Variants in PRMT8 observed in about 807,000 individuals in gnomAD.
The protein encoded by PRMT8 is protein arginine methyltransferase 8, also known as protein arginine N-methyltransferase 8.
Under a neutral mutation model 47.1 loss-of-function variants are expected in PRMT8, and 7 were observed. The observed-to-expected ratio is 0.15, with a 90% CI of 0.08 to 0.28. The LOEUF (loss-of-function observed/expected upper bound fraction) is 0.28. Among genes scored for constraint, PRMT8 ranks in the 10% least tolerant of loss-of-function variants. The probability of loss-of-function intolerance (pLI) is 1.00; values close to 1 mark genes in which losing one functional copy is unlikely to be tolerated. For synonymous variants in PRMT8, 188 were observed against 186.5 expected (o/e 1.01, Z -0.07); for missense variants, 237 against 505.4 (o/e 0.47, Z 5.09).
upstream of PRMT8, among the ~76,000 whole-genome samples, chr12:3,488,488 C>A (rs535642024): frequency 7.2e-5 from 11 of 152,294 alleles, no homozygotes; most frequent in South Asian, 1.7e-3. Flanking sequence ...CCCTTATCAT[C>A]CCACATGTTT....
At chr12:3,519,485 G>A (rs1288794197) in intron 1 of PRMT8, among the ~76,000 whole-genome samples, 1 of 152,220 alleles carries the variant, frequency 6.6e-6, no homozygotes, top group African/African-American at 2.4e-5. Context: ...GGGGATGCAA[G>A]TGAGAAAGGG....
At chr12:3,505,159 C>G (rs1168888301) in intron 1 of PRMT8, among the ~76,000 whole-genome samples, 1 of 151,620 alleles carries the variant, frequency 6.6e-6, no homozygotes, top group Non-Finnish European at 1.5e-5. Context: ...AATCACCCGT[C>G]TTCTGCGTTG....
rs1395299407 is a variant in PRMT8, at chr12:3,566,604, C to T, written c.482-2102C>T. ...ACTGTTATTAGAAGCTGCTAATGGA[C>T]ACTCCATCACCTGCATTATTCACTG... On this transcript the variant is annotated intron_variant, in intron 4 of 9. Coordinates refer to ENST00000382622, the MANE Select transcript of PRMT8 (RefSeq NM_019854.5). This position sits in a 1 kb window ranked among gnomAD's most constrained non-coding sequence, Gnocchi z 4.7. 1.3e-5 allele frequency among the ~76,000 whole-genome samples: 2 copies of T among 152,222 alleles called. No individual in the cohort carries two copies. Among genetic ancestry groups the T allele is most frequent in the Admixed American group, 1.3e-4 (2 of 15,292 alleles).
chr12:3,532,710 T>C (rs1174072322), intron 1 of PRMT8, among the ~76,000 whole-genome samples: 1 of 149,048 alleles, frequency 6.7e-6, no homozygotes, highest in Non-Finnish European at 1.5e-5. Context: ...GTACCAATTA[T>C]ACAGTATACA....
At chr12:3,581,732 ACAGT>A (rs532064101) in intron 7 of PRMT8, among the ~76,000 whole-genome samples, 2 of 152,080 alleles carry the variant, frequency 1.3e-5, no homozygotes, top group African/African-American at 2.4e-5. Context: ...TTCCCAATCA[ACAGT>A]CAGAGAGCTT....
At chr12:3,410,388 C>A (rs1488315429) in intron 1 of PRMT8, among the ~76,000 whole-genome samples, 1 of 152,190 alleles carries the variant, frequency 6.6e-6, no homozygotes, top group Non-Finnish European at 1.5e-5. Flanking sequence ...CTCTGCAATT[C>A]CCCCTCCCCA....
intron 1 of PRMT8, among the ~76,000 whole-genome samples, chr12:3,529,290 C>T (rs1052659274): frequency 2.6e-5 from 4 of 152,152 alleles, no homozygotes; most frequent in African/African-American, 9.7e-5. Flanking sequence ...GGGTTTACCT[C>T]ATTTATTTGT....
At chr12:3,568,998 G>GA (rs758105281) in intron 5 of PRMT8, 150 bp downstream of exon 5, 13 of 1,115,796 alleles carry the variant, frequency 1.2e-5, no homozygotes, top group Non-Finnish European at 1.4e-5. Flanking sequence ...GAGCAGATCT[G>GA]TATCAGGGAA....
chr12:3,530,576 G>A lies in PRMT8; in HGVS notation c.76-10030G>A, dbSNP rs370042102. ...CTGGAGAAAATGACTGATTTTCAAT[G>A]ATGGCTACCTTCCTAAAGATATCAA... is the stretch of plus-strand genomic sequence containing the variant. On this transcript the variant is annotated intron_variant, in intron 1 of 9. Coordinates refer to ENST00000382622, the MANE Select transcript of PRMT8 (RefSeq NM_019854.5). Among the ~76,000 whole-genome samples, 265 of 152,274 alleles carry A rather than the reference G, an allele frequency of 1.7e-3. 1 individual carries two copies. The highest frequency in any genetic ancestry group is 6.3e-3 in the African/African-American group (260 of 41,562).
upstream of PRMT8, among the ~76,000 whole-genome samples, chr12:3,489,961 C>T (rs571414698): frequency 1.3e-5 from 2 of 152,194 alleles, no homozygotes; most frequent in African/African-American, 4.8e-5. Context: ...TCTCTTTGCC[C>T]GAGGACCAGA....
intron 1 of PRMT8, among the ~76,000 whole-genome samples, chr12:3,431,468 G>A (rs771760469): frequency 2.6e-4 from 39 of 152,280 alleles, no homozygotes; most frequent in Middle Eastern, 3.4e-3. Flanking sequence ...GATGAGGAGC[G>A]TGGGAGGTCA....
intron 4 of PRMT8, among the ~76,000 whole-genome samples, chr12:3,554,786 G>A (rs375053114): frequency 1.6e-4 from 25 of 152,286 alleles, no homozygotes; most frequent in African/African-American, 5.1e-4. Flanking sequence ...AGGCACCGAG[G>A]AGTCAGCTCA....
intron 1 of PRMT8, among the ~76,000 whole-genome samples, chr12:3,399,956 C>G (rs1864300616): frequency 6.6e-6 from 1 of 152,200 alleles, no homozygotes; most frequent in African/African-American, 2.4e-5. Context: ...GTTATGACAA[C>G]TGTCAAAATC....
In PRMT8 at chr12:3,492,889, T is replaced by C. The variant is rs1373430900; in HGVS notation, c.75+1189T>C. Among the ~76,000 whole-genome samples, 1 of 151,962 alleles carries C rather than the reference T, an allele frequency of 6.6e-6. No individual in the cohort carries two copies. The highest frequency in any genetic ancestry group is 1.5e-5 in the Non-Finnish European group (1 of 67,966). On this transcript the variant is annotated intron_variant, in intron 1 of 9. Coordinates refer to ENST00000382622, the MANE Select transcript of PRMT8 (RefSeq NM_019854.5). The surrounding 1 kb of genome is among the most constrained non-coding windows in gnomAD (Gnocchi z 7.5). ...GGGCTGCCGCACATTTCACATATGGTTACCCATATGCAGCGGGGGGCGGGG... is the reference window on the plus strand; with the variant it reads ...GGGCTGCCGCACATTTCACATATGGCTACCCATATGCAGCGGGGGGCGGGG...
At chr12:3,590,027 G>T (rs11062731) in intron 8 of PRMT8, among the ~76,000 whole-genome samples, 2 of 152,112 alleles carry the variant, frequency 1.3e-5, no homozygotes, top group African/African-American at 4.8e-5. Flanking sequence ...AGGTAGCTGG[G>T]AGAGATGGTT....
chr12:3,524,855 T>A (rs1865929037), intron 1 of PRMT8, among the ~76,000 whole-genome samples: 1 of 152,196 alleles, frequency 6.6e-6, no homozygotes, highest in Non-Finnish European at 1.5e-5. Flanking sequence ...TCGCTTTCAC[T>A]GTTCTCCAAG....
intron 1 of PRMT8, among the ~76,000 whole-genome samples, chr12:3,424,513 T>C (rs995194879): frequency 1.3e-5 from 2 of 152,236 alleles, no homozygotes; most frequent in African/African-American, 2.4e-5. Context: ...CTATTAATGA[T>C]AGCACAGGCA....
Position 3,580,679 on chromosome 12 carries a change from C to T in PRMT8, c.829-2379C>T, listed in dbSNP as rs563537896. The stretch of plus-strand genomic sequence containing the variant: ...GGCAAGGGCGAAGGTGGTGAGACTG[C>T]GATATGAGCCAGAAGTGAGATTGGA... On this transcript the variant is annotated intron_variant, in intron 7 of 9. Transcript: ENST00000382622. This position sits in a 1 kb window ranked among gnomAD's most constrained non-coding sequence, Gnocchi z 4.6. 3.2e-4 allele frequency among the ~76,000 whole-genome samples: 48 copies of T among 152,080 alleles called. No homozygotes were observed. Among genetic ancestry groups the T allele is most frequent in the African/African-American group, 4.8e-4 (20 of 41,482 alleles).
rs113192011 is a variant in PRMT8, at chr12:3,589,323, C to T, written c.980-2908C>T. Among the ~76,000 whole-genome samples, 148 of 152,266 alleles carry T rather than the reference C, an allele frequency of 9.7e-4. 1 individual carries two copies. Among genetic ancestry groups the T allele is most frequent in the African/African-American group, 3.4e-3 (143 of 41,550 alleles). ...TCCCTTTCTCATCTCATCTCATCCTCACAATACGTCAGGAGGTGAATATCA... is the reference window on the plus strand; with the variant it reads ...TCCCTTTCTCATCTCATCTCATCCTTACAATACGTCAGGAGGTGAATATCA... On this transcript the variant is annotated intron_variant, in intron 8 of 9. Coordinates refer to ENST00000382622, the MANE Select transcript of PRMT8 (RefSeq NM_019854.5).
Sources: gnomAD v4.1 joint callset for allele counts (sites outside exome capture counted in the v4.1 genomes callset) on GRCh38, gnomAD v4.1.1 for gene constraint, Gnocchi (gnomAD v3.1) non-coding constraint, MANE v1.5 for transcripts, NCBI Gene and HGNC (gene_info 2026-07-23, HGNC 2026-07-21) for gene names.